The following TENM2 variants were observed in gnomAD, a reference collection of about 807,000 sequenced individuals.
The protein encoded by TENM2 is teneurin-2.
TENM2 carries 52 observed loss-of-function variants against 245.2 expected under a neutral mutation model. The ratio of observed to expected loss-of-function variants is 0.21; its 90% CI spans 0.17 to 0.27. The LOEUF is 0.27. TENM2 is among the 10% of genes least tolerant of loss of function. The pLI is 1.00. For missense variants in TENM2, 3,046 were observed against 3,666.8 expected (o/e 0.83, Z 4.37); for synonymous variants, 1,363 against 1,438.9 (o/e 0.95, Z 1.19).
intron 3 of TENM2, among the ~76,000 whole-genome samples, chr5:167,924,450 T>C (rs1046957523): frequency 2.0e-5 from 3 of 152,218 alleles, no homozygotes; most frequent in Admixed American, 6.5e-5. Flanking sequence ...GCGTCTGACC[T>C]GTCAGCCAAT....
intron 3 of TENM2, among the ~76,000 whole-genome samples, chr5:167,939,952 A>G (rs773224267): frequency 6.6e-6 from 1 of 152,114 alleles, no homozygotes; most frequent in African/African-American, 2.4e-5. Context: ...TGGAAGTGAA[A>G]TGTGTCTATT....
At chr5:166,993,026 TCCCCTCC>T in the TENM2 span, among the ~76,000 whole-genome samples, 1 of 151,888 alleles carries the variant, frequency 6.6e-6, no homozygotes, top group African/African-American at 2.4e-5. Flanking sequence ...CTTTCCCCTC[TCCCCTCC>T]CCCACTCCTG....
chr5:167,896,563 T>C (rs1227048833), intron 3 of TENM2, among the ~76,000 whole-genome samples: 1 of 152,194 alleles, frequency 6.6e-6, no homozygotes, highest in Admixed American at 6.5e-5. Context: ...ATTGAAACAC[T>C]GAATCTGTCC....
intron 5 of TENM2, among the ~76,000 whole-genome samples, chr5:168,030,964 G>A (rs1042020660): frequency 6.6e-6 from 1 of 152,104 alleles, no homozygotes; most frequent in African/African-American, 2.4e-5. Context: ...GACTCTTTTT[G>A]TGGTAACTTC....
At chr5:168,181,026 G>A (rs1015800164) in intron 13 of TENM2, among the ~76,000 whole-genome samples, 28 of 152,338 alleles carry the variant, frequency 1.8e-4, no homozygotes, top group African/African-American at 6.5e-4. Flanking sequence ...CTTCAGCAAC[G>A]CTGGTTTAAA....
At chr5:167,470,507 A>G (rs1582137622) in intron 2 of TENM2, among the ~76,000 whole-genome samples, 2 of 85,234 alleles carry the variant, frequency 2.3e-5, no homozygotes, top group Non-Finnish European at 4.6e-5. Flanking sequence ...CTCAAAATCT[A>G]TTTGCAATTA....
intron 1 of TENM2, among the ~76,000 whole-genome samples, chr5:167,325,661 G>C (rs1383128364): frequency 6.6e-6 from 1 of 152,188 alleles, no homozygotes; most frequent in East Asian, 1.9e-4. Context: ...TAGTTCAAGA[G>C]CTATACACTG....
the TENM2 span, among the ~76,000 whole-genome samples, chr5:167,069,070 A>G: frequency 1.3e-5 from 2 of 152,190 alleles, no homozygotes; most frequent in African/African-American, 4.8e-5. Flanking sequence ...ATTCATTAGA[A>G]AGAAGTCAAC....
At chr5:167,920,480 T>C (rs1482293114) in intron 3 of TENM2, among the ~76,000 whole-genome samples, 5 of 150,328 alleles carry the variant, frequency 3.3e-5, no homozygotes, top group Admixed American at 6.6e-5. Flanking sequence ...CTCGTGCCAC[T>C]GTACTGCAGC....
Position 168,190,392 on chromosome 5 carries a change from C to T in TENM2, c.2625C>T (p.Asn875=), listed in dbSNP as rs374918378. The change falls in exon 14 of 29, where the codon AAC becomes AAT. Residue 875 remains asparagine, a synonymous_variant. Coordinates refer to ENST00000518659, the Ensembl canonical transcript of TENM2. ...GCTGCCTGCAGTCAGCCTGTCAGAA[C>T]AGCCTGCTCTGCCGGGGGTCCCGGG... 25 of 1,613,994 alleles carry T rather than the reference C, an allele frequency of 1.5e-5. No individual in the cohort carries two copies. In the East Asian group the frequency reaches 4.0e-4, roughly 26 times the overall value.
At chr5:167,443,613 A>G (rs983195153) in intron 2 of TENM2, among the ~76,000 whole-genome samples, 2 of 152,220 alleles carry the variant, frequency 1.3e-5, no homozygotes, top group Non-Finnish European at 2.9e-5. Context: ...CAGATGGATT[A>G]TAATTGTTGG....
chr5:167,222,930 A>G, the TENM2 span, among the ~76,000 whole-genome samples: 3 of 152,190 alleles, frequency 2.0e-5, no homozygotes, highest in Admixed American at 2.0e-4. Flanking sequence ...CCATTATTTC[A>G]TTTATAATTT....
intron 3 of TENM2, among the ~76,000 whole-genome samples, chr5:167,938,919 G>T (rs766408829): frequency 4.0e-5 from 6 of 148,278 alleles, no homozygotes; most frequent in Non-Finnish European, 7.4e-5. Context: ...CTCCAGCCTG[G>T]ATGACAGAGC....
At chr5:166,993,811 CTG>C in the TENM2 span, among the ~76,000 whole-genome samples, 1 of 152,062 alleles carries the variant, frequency 6.6e-6, no homozygotes, top group Non-Finnish European at 1.5e-5. Context: ...GGGAGGATAT[CTG>C]TGGGAAATAG....
intron 13 of TENM2, among the ~76,000 whole-genome samples, chr5:168,168,976 ATATGT>A (rs1758555563): frequency 6.6e-6 from 1 of 152,218 alleles, no homozygotes; most frequent in African/African-American, 2.4e-5. Flanking sequence ...CAAACATGAC[ATATGT>A]CCACAAAGAG....
At chr5:167,237,049 C>T in the TENM2 span, among the ~76,000 whole-genome samples, 1 of 152,140 alleles carries the variant, frequency 6.6e-6, no homozygotes, top group Non-Finnish European at 1.5e-5. Flanking sequence ...TCAGAAGTTT[C>T]TCTTGCAATT....
the TENM2 span, among the ~76,000 whole-genome samples, chr5:167,021,193 A>G: frequency 3.3e-5 from 5 of 152,224 alleles, no homozygotes; most frequent in African/African-American, 4.8e-5. Flanking sequence ...TTAAGATGCA[A>G]AAGTGGCCTA....
the TENM2 span, among the ~76,000 whole-genome samples, chr5:167,069,148 A>G: frequency 1.3e-5 from 2 of 152,160 alleles, no homozygotes; most frequent in Non-Finnish European, 2.9e-5. Context: ...TAAAGGGAAA[A>G]TTGTTAATAT....
chr5:167,119,958 G>A, the TENM2 span, among the ~76,000 whole-genome samples: 1 of 152,204 alleles, frequency 6.6e-6, no homozygotes, highest in African/African-American at 2.4e-5. Flanking sequence ...ACCTGGGAAT[G>A]GGGCTTGGAG....
Sources: allele counts gnomAD v4.1 joint callset (sites outside exome capture counted in the v4.1 genomes callset), GRCh38; gene constraint gnomAD v4.1.1; transcripts MANE v1.5; gene names NCBI Gene and HGNC (gene_info 2026-07-23, HGNC 2026-07-21).